GRID2: variants seen among roughly 807,000 people sequenced by gnomAD.
GRID2 encodes the protein glutamate ionotropic receptor delta type subunit 2, also known as glutamate receptor ionotropic, delta-2.
GRID2 carries 33 observed loss-of-function variants against 114.8 expected under a neutral mutation model. The ratio of observed to expected loss-of-function variants is 0.29; its 90% confidence interval spans 0.22 to 0.38. The LOEUF (loss-of-function observed/expected upper bound fraction) is 0.38, where lower values mean the gene tolerates loss of function less well. GRID2 is among the 10% of genes least tolerant of loss of function. The pLI is 1.00. For missense variants in GRID2, 1,184 were observed against 1,257.7 expected (o/e 0.94, Z 0.89); for synonymous variants, 505 against 449.9 (o/e 1.12, Z -1.55).
intron 14 of GRID2, among the ~76,000 whole-genome samples, chr4:93,702,358 C>T (rs954302303): frequency 1.1e-4 from 17 of 152,084 alleles, no homozygotes; most frequent in Non-Finnish European, 2.1e-4. Flanking sequence ...TTCTGCAATT[C>T]GTCTTTTTCT....
intron 1 of GRID2, among the ~76,000 whole-genome samples, chr4:92,559,479 G>C (rs987235518): frequency 6.6e-6 from 1 of 152,078 alleles, no homozygotes; most frequent in African/African-American, 2.4e-5. Context: ...GCATGATGTT[G>C]GTGCTCAGAA....
chr4:92,932,214 A>G (rs762149284), intron 2 of GRID2, among the ~76,000 whole-genome samples: 2 of 151,492 alleles, frequency 1.3e-5, no homozygotes, highest in Non-Finnish European at 3.0e-5. Context: ...TTATGAGTAA[A>G]TATGAAAAAA....
At chr4:92,486,497 CT>C (rs1346950011) in intron 1 of GRID2, among the ~76,000 whole-genome samples, 3 of 151,144 alleles carry the variant, frequency 2.0e-5, no homozygotes, top group Non-Finnish European at 3.0e-5. Context: ...AATTTACATT[CT>C]GTCCTTTCAA....
intron 1 of GRID2, among the ~76,000 whole-genome samples, chr4:93,786,922 A>G (rs1734605404): frequency 6.6e-6 from 1 of 152,186 alleles, no homozygotes; most frequent in African/African-American, 2.4e-5. Flanking sequence ...GTACTAAACA[A>G]AAGTCAATTT....
chr4:92,333,415 T>C (rs1344098618), intron 1 of GRID2, among the ~76,000 whole-genome samples: 1 of 152,188 alleles, frequency 6.6e-6, no homozygotes, highest in African/African-American at 2.4e-5. Context: ...AGTTTGCCTC[T>C]AAGATCTCAG....
At chr4:93,433,508 C>T (rs3913651) in intron 10 of GRID2, among the ~76,000 whole-genome samples, 105,059 of 151,982 alleles carry the variant, frequency 0.69, 36,809 homozygotes, top group African/African-American at 0.81. Flanking sequence ...TTCCATGGCC[C>T]CTAATAAATA....
chr4:93,563,156 C>G (rs1470198532), intron 13 of GRID2, among the ~76,000 whole-genome samples: 2 of 151,962 alleles, frequency 1.3e-5, no homozygotes, highest in African/African-American at 4.8e-5. Context: ...TTATTAAAAG[C>G]AAACTGTCAG....
rs568826470 is a variant in GRID2 at position 92,613,017 on chromosome 4, G to A, written c.244+22731G>A. ...TCCTGTTTCTAATATTAGGTAGCAA[G>A]CATTTAGCCATTGAGCTTTAAATAT... On this transcript the variant is annotated intron_variant, in intron 2 of 15. Transcript: ENST00000282020. Among the ~76,000 whole-genome samples the A allele has an allele frequency of 2.0e-5, 3 of 151,452 alleles. No individual in the cohort carries two copies. The South Asian group carries it at 6.2e-4, about 31-fold the overall frequency.
intron 14 of GRID2, among the ~76,000 whole-genome samples, chr4:93,683,369 T>C (rs962383571): frequency 9.2e-5 from 14 of 152,090 alleles, no homozygotes; most frequent in African/African-American, 3.1e-4. Context: ...TTTCAGTCTT[T>C]GACTGGAATT....
chr4:92,651,547 T>G (rs952014179), intron 2 of GRID2, among the ~76,000 whole-genome samples: 2 of 152,088 alleles, frequency 1.3e-5, no homozygotes, highest in Admixed American at 6.6e-5. Flanking sequence ...CACCCTTTGA[T>G]AAGTATTCAC....
intron 2 of GRID2, among the ~76,000 whole-genome samples, chr4:92,724,956 T>C (rs891678312): frequency 2.6e-5 from 4 of 152,124 alleles, no homozygotes; most frequent in Admixed American, 1.3e-4. Context: ...GTAGACATGA[T>C]TGACAGTAGC....
Position 93,186,679 on chromosome 4 carries a change from T to G in GRID2, c.736-20725T>G, listed in dbSNP as rs575045257. On this transcript the variant is annotated intron_variant, in intron 4 of 15. Transcript: ENST00000282020. Reference sequence around the variant, plus strand: ...TTCACACTGTTTTTTCTTGATTTCCTAGATACTGATATCTATTGATATACT... The same window carrying G: ...TTCACACTGTTTTTTCTTGATTTCCGAGATACTGATATCTATTGATATACT... Among the ~76,000 whole-genome samples the G allele has an allele frequency of 1.8e-4, 27 of 152,286 alleles. 1 individual carries two copies. The highest frequency in any genetic ancestry group is 5.5e-4 in the African/African-American group (23 of 41,526).
At chr4:92,744,419 C>T (rs1203739487) in intron 2 of GRID2, among the ~76,000 whole-genome samples, 8 of 147,930 alleles carry the variant, frequency 5.4e-5, no homozygotes, top group South Asian at 2.1e-4. Context: ...ACCCGGGAGG[C>T]GGAGGTTGCA....
chr4:93,032,336 G>A (rs994573504), intron 2 of GRID2, among the ~76,000 whole-genome samples: 2 of 152,158 alleles, frequency 1.3e-5, no homozygotes, highest in African/African-American at 4.8e-5. Context: ...AACTATCTAG[G>A]TTTATTTTGG....
At chr4:92,781,216 A>G (rs374787839) in intron 2 of GRID2, among the ~76,000 whole-genome samples, 1 of 152,134 alleles carries the variant, frequency 6.6e-6, no homozygotes, top group South Asian at 2.1e-4. Context: ...ACTGCACTCC[A>G]GCCTGGGTGA....
chr4:93,744,779 G>A (rs936687806), intron 14 of GRID2, among the ~76,000 whole-genome samples: 1 of 152,144 alleles, frequency 6.6e-6, no homozygotes, highest in Admixed American at 6.6e-5. Context: ...AGCTTTGCAT[G>A]CTATAGAGAA....
At chr4:93,481,517 A>G (rs1451216213) in intron 11 of GRID2, among the ~76,000 whole-genome samples, 2 of 152,200 alleles carry the variant, frequency 1.3e-5, no homozygotes, top group Admixed American at 6.6e-5. Context: ...CTAGGCATTC[A>G]TGGCCTTAAG....
chr4:93,516,333 T>C (rs1729731042), intron 13 of GRID2, among the ~76,000 whole-genome samples: 1 of 152,120 alleles, frequency 6.6e-6, no homozygotes, highest in South Asian at 2.1e-4. Flanking sequence ...CCAGCATTAT[T>C]CTCTGCTTTT....
intron 8 of GRID2, among the ~76,000 whole-genome samples, chr4:93,273,187 T>C (rs1418078627): frequency 6.6e-6 from 1 of 152,238 alleles, no homozygotes; most frequent in East Asian, 1.9e-4. Flanking sequence ...TTTCTCTATT[T>C]TATTTCTATT....
Sources: allele counts gnomAD v4.1 joint callset (sites outside exome capture counted in the v4.1 genomes callset), GRCh38; gene constraint gnomAD v4.1.1; transcripts MANE v1.5; gene names NCBI Gene and HGNC (gene_info 2026-07-23, HGNC 2026-07-21).